The following IL1F10 variants were observed in gnomAD, a reference collection of about 807,000 sequenced individuals.
IL1F10 encodes interleukin-1 family member 10.
IL1F10 carries 13 observed loss-of-function variants against 13.1 expected under a neutral mutation model. The ratio of observed to expected loss-of-function variants is 0.99; its 90% CI spans 0.64 to 1.57. The LOEUF (loss-of-function observed/expected upper bound fraction) is 1.57. Ranked by LOEUF, IL1F10 falls within the 40% of genes most tolerant of loss-of-function variation. IL1F10 has a pLI of 0.00. For missense variants in IL1F10, 191 were observed against 184.1 expected (o/e 1.04, Z -0.22); for synonymous variants, 78 against 68.2 (o/e 1.14, Z -0.71).
chr2:113,075,244 G>A lies in IL1F10; in HGVS notation c.339G>A (p.Glu113=). The change falls in exon 5 of 5, where the codon GAG becomes GAA. Residue 113 remains glutamate (E), a synonymous_variant. Coordinates refer to ENST00000341010, the MANE Select transcript of IL1F10 (RefSeq NM_173161.3). ...QSSSGSAFRL[E]AAAWPGWFLC... is the part of the protein sequence containing the mutation. ...GCTCAGGCTCCGCCTTCAGGCTTGA[G>A]GCTGCTGCCTGGCCTGGCTGGTTCC... 1 of 1,613,956 alleles carries A rather than the reference G, an allele frequency of 6.2e-7. No homozygotes were observed. Among genetic ancestry groups the A allele is most frequent in the Non-Finnish European group, 8.5e-7 (1 of 1,179,874 alleles).
In IL1F10 at chr2:113,070,745, T is replaced by A. The variant is rs144167126; in HGVS notation, c.-28-1966T>A. On this transcript the variant is annotated intron_variant, in intron 1 of 4. Coordinates refer to ENST00000341010, the MANE Select transcript of IL1F10 (RefSeq NM_173161.3). ...ATCACCTGGTTGCATATTTGAAATG[T>A]ACAGTCTCAGGCCCCACCCCAGGCC... 1.4e-3 allele frequency among the ~76,000 whole-genome samples: 214 copies of A among 152,332 alleles called. 6 individuals are homozygous for A. The South Asian group carries it at 0.03, about 21-fold the overall frequency.
At chr2:113,071,373 A>G (rs938011098) in intron 1 of IL1F10, among the ~76,000 whole-genome samples, 1 of 152,236 alleles carries the variant, frequency 6.6e-6, no homozygotes, top group Non-Finnish European at 1.5e-5. Context: ...ATTGTAAAAA[A>G]TTATGCAGTG....
Position 113,072,700 on chromosome 2 carries a change from C to A in IL1F10, c.-28-11C>A. ...CTCCTTTTCTAACTGCCCTTCTCTCCTCCCCATCAGTGAGGACCAGACACC... is the reference window on the plus strand; with the variant it reads ...CTCCTTTTCTAACTGCCCTTCTCTCATCCCCATCAGTGAGGACCAGACACC... On this transcript the variant is annotated splice_polypyrimidine_tract_variant and intron_variant, in intron 1 of 4. Coordinates refer to ENST00000341010, the MANE Select transcript of IL1F10 (RefSeq NM_173161.3). 6.3e-7 allele frequency: 1 copy of A among 1,598,030 alleles called. No homozygotes were observed. The highest frequency in any genetic ancestry group is 8.6e-7 in the Non-Finnish European group (1 of 1,167,192).
At position 113,075,139 on chromosome 2, in the gene IL1F10, C is replaced by A; in HGVS notation, c.247-13C>A. The A allele has an allele frequency of 6.3e-7, 1 of 1,590,366 alleles. No individual in the cohort carries two copies. The highest frequency in any genetic ancestry group is 2.3e-5 in the East Asian group (1 of 44,444). Reference sequence around the variant, plus strand: ...GCACTCTCATTCTGCAGCCATCCACCTTGCCCCCACAGGATGTGAACATTG... The same window carrying A: ...GCACTCTCATTCTGCAGCCATCCACATTGCCCCCACAGGATGTGAACATTG... On this transcript the variant is annotated splice_polypyrimidine_tract_variant and intron_variant, in intron 4 of 4. Coordinates refer to ENST00000341010, the MANE Select transcript of IL1F10 (RefSeq NM_173161.3).
chr2:113,069,392 A>G (rs1685794895), intron 1 of IL1F10, among the ~76,000 whole-genome samples: 1 of 152,244 alleles, frequency 6.6e-6, no homozygotes, highest in African/African-American at 2.4e-5. Flanking sequence ...GTACAGTAGT[A>G]ATGGCAATTA....
rs746995278 is a variant in IL1F10, at chr2:113,074,727, G to A, written c.123G>A (p.Lys41=). The A allele has an allele frequency of 1.2e-6, 2 of 1,613,494 alleles. No individual in the cohort carries two copies. Among genetic ancestry groups the A allele is most frequent in the African/African-American group, 2.7e-5 (2 of 74,906 alleles). ...DPVADNCCAE[K]ICILPNRGLA... Reference sequence around the variant, plus strand: ...CTTCTCTCTCTTCCCTCCTAGAGAAGATCTGCATACTTCCTAACAGAGGCT... The same window carrying A: ...CTTCTCTCTCTTCCCTCCTAGAGAAAATCTGCATACTTCCTAACAGAGGCT... The change falls in exon 4 of 5, where the codon AAG becomes AAA. Residue 41 remains lysine, a synonymous_variant. Transcript: ENST00000341010.
At chr2:113,074,171 A>G (rs548784024) in intron 2 of IL1F10, among the ~76,000 whole-genome samples, 158 bp from the exon 3 acceptor site, 1 of 152,316 alleles carries the variant, frequency 6.6e-6, no homozygotes, top group African/African-American at 2.4e-5. Flanking sequence ...CCTGGTCTTT[A>G]CCTGCTCTTG....
chr2:113,069,566 G>C (rs1685797058), intron 1 of IL1F10, among the ~76,000 whole-genome samples: 1 of 152,160 alleles, frequency 6.6e-6, no homozygotes, highest in South Asian at 2.1e-4. Flanking sequence ...AGGAATGTGT[G>C]GGCTGGGAGG....
Position 113,075,470 on chromosome 2 carries a change from A to C in IL1F10, c.*106A>C. 1 of 782,642 alleles carries C rather than the reference A, an allele frequency of 1.3e-6. No homozygotes were observed. The highest frequency in any genetic ancestry group is 2.0e-6 in the Non-Finnish European group (1 of 491,654). 48.5% of individuals were successfully genotyped at this position (782,642 alleles called of 1,614,324 possible). A position where few individuals can be genotyped will look rare whatever the true frequency, so the allele number is the denominator to read the frequency against. Reference sequence around the variant, plus strand: ...TCCCCCGAAATATGTCCACATCCTAATCCCAAGATCTGTGCATATGTTACC... The same window carrying C: ...TCCCCCGAAATATGTCCACATCCTACTCCCAAGATCTGTGCATATGTTACC... On this transcript the variant is annotated 3_prime_UTR_variant, in exon 5 of 5. Transcript: ENST00000341010.
At chr2:113,074,890 T>G (rs1685910247) in intron 4 of IL1F10, 40 bp downstream of exon 4, 1 of 1,598,382 alleles carries the variant, frequency 6.3e-7, no homozygotes, top group Admixed American at 1.7e-5. Flanking sequence ...ACTGCAGACC[T>G]GGCCTGACCC....
chr2:113,075,349 T>C lies in IL1F10; in HGVS notation c.444T>C (p.Phe148=). 6.3e-7 allele frequency: 1 copy of C among 1,580,012 alleles called. No individual in the cohort carries two copies. ...CCTCAGCCCGTACCAAGTTTTACTT[T>C]GAACAGAGCTGGTAGGGAGACAGGA... ...SEPSARTKFY[F]EQSW Residue 148 remains phenylalanine (F), a synonymous_variant, in exon 5 of 5, where the codon TTT becomes TTC. Coordinates refer to ENST00000341010, the MANE Select transcript of IL1F10 (RefSeq NM_173161.3).
intron 1 of IL1F10, 102 bp from the exon 2 acceptor site, chr2:113,072,609 G>T: frequency 1.4e-6 from 1 of 719,130 alleles, no homozygotes; most frequent in South Asian, 1.8e-5. Flanking sequence ...ATGGCCTGGG[G>T]AACCCGTGCA....
rs1685920636 is a variant in IL1F10, at chr2:113,075,302, C to T, written c.397C>T (p.Gln133Ter). 3 of 1,607,058 alleles carry T rather than the reference C, an allele frequency of 1.9e-6. No individual in the cohort carries two copies. The highest frequency in any genetic ancestry group is 1.3e-5 in the African/African-American group (1 of 74,966). The change falls in exon 5 of 5, where the codon CAG becomes TAG. Residue 133 changes from glutamine (Q) to a stop codon, truncating the protein, a stop_gained. Coordinates refer to ENST00000341010, the MANE Select transcript of IL1F10 (RefSeq NM_173161.3). LOFTEE classifies it high-confidence loss of function. Reference protein sequence around the residue: ...CGPAEPQQPVQLTKESEPSAR... With the variant: ...CGPAEPQQPV ...CCCGGCAGAGCCCCAGCAGCCAGTA[C>T]AGCTCACCAAGGAGAGTGAGCCCTC...
chr2:113,072,722 C>A lies in IL1F10; in HGVS notation c.-17C>A, dbSNP rs374088158. The stretch of plus-strand genomic sequence containing the variant: ...CTCCTCCCCATCAGTGAGGACCAGA[C>A]ACCACTGATTGCAGGAATGTGTTCC... On this transcript the variant is annotated 5_prime_UTR_variant, in exon 2 of 5. Transcript: ENST00000341010. 1 of 1,611,894 alleles carries A rather than the reference C, an allele frequency of 6.2e-7. No individual in the cohort carries two copies. Among genetic ancestry groups the A allele is most frequent in the Non-Finnish European group, 8.5e-7 (1 of 1,178,458 alleles).
In IL1F10 at chr2:113,074,408, T is replaced by G. The variant is rs926089865; in HGVS notation, c.112T>G (p.Cys38Gly). The change falls in exon 3 of 5, where the codon TGT (cysteine) becomes GGT (glycine). Residue 38 changes from cysteine (C) to glycine (G), a missense_variant. Physicochemically the swap from Cys to Gly is radical, Grantham distance 159. Coordinates refer to ENST00000341010, the MANE Select transcript of IL1F10 (RefSeq NM_173161.3). ...LVGDPVADNC[C>G]AEKICILPNR... ...GGGAGATCCTGTTGCAGACAACTGC[T>G]GTGCAGGTGAGCTTCTGGGGCCTCC... The G allele has an allele frequency of 6.2e-7, 1 of 1,612,922 alleles. No homozygotes were observed. Among genetic ancestry groups the G allele is most frequent in the Non-Finnish European group, 8.5e-7 (1 of 1,179,024 alleles).
chr2:113,068,377 G>A (rs1240627582), intron 1 of IL1F10, among the ~76,000 whole-genome samples: 3 of 149,068 alleles, frequency 2.0e-5, no homozygotes, highest in Admixed American at 6.7e-5. Context: ...TAGCTCCTCA[G>A]TGTCTTCTTT....
chr2:113,075,536 G>A lies in IL1F10; in HGVS notation c.*172G>A. 2 of 457,246 alleles carry A rather than the reference G, an allele frequency of 4.4e-6. No individual in the cohort carries two copies. Among genetic ancestry groups the A allele is most frequent in the Non-Finnish European group, 7.6e-6 (2 of 262,570 alleles). The allele number at this position is 457,246 out of a possible 1,614,324, so 28.3% of individuals were successfully genotyped here. ...GGTTTTGCAAATGTGATTATGTTAA[G>A]GATCTTGAAATGAGGAGACAATCCT... On this transcript the variant is annotated 3_prime_UTR_variant, in exon 5 of 5. Transcript: ENST00000341010.
intron 1 of IL1F10, among the ~76,000 whole-genome samples, chr2:113,071,513 G>T (rs1278056819): frequency 6.6e-6 from 1 of 152,216 alleles, no homozygotes; most frequent in Non-Finnish European, 1.5e-5. Context: ...TCCAGAATTT[G>T]CACTTGTTAG....
Position 113,075,222 on chromosome 2 carries a change from C to T in IL1F10, c.317C>T (p.Ser106Leu), listed in dbSNP as rs1164091108. The T allele has an allele frequency of 3.7e-6, 6 of 1,613,864 alleles. No individual in the cohort carries two copies. Among genetic ancestry groups the T allele is most frequent in the East Asian group, 2.2e-5 (1 of 44,874 alleles). Residue 106 changes from serine (S) to leucine (L), a missense_variant, in exon 5 of 5, where the codon TCA becomes TTA. Ser to Leu is a moderately radical substitution (Grantham distance 145). Coordinates refer to ENST00000341010, the MANE Select transcript of IL1F10 (RefSeq NM_173161.3). ...ATRFTFFQSSSGSAFRLEAAA... is the reference protein window; with the variant it reads ...ATRFTFFQSSLGSAFRLEAAA... ...CGCTTCACCTTCTTCCAGAGCAGCT[C>T]AGGCTCCGCCTTCAGGCTTGAGGCT...
Sources: gnomAD v4.1 joint callset for allele counts (sites outside exome capture counted in the v4.1 genomes callset) on GRCh38, gnomAD v4.1.1 for gene constraint, MANE v1.5 for transcripts, NCBI Gene and HGNC (gene_info 2026-07-23, HGNC 2026-07-21) for gene names.